Variants in AKAP12 observed in about 807,000 individuals in gnomAD.
The protein encoded by AKAP12 is A-kinase anchoring protein 12.
In AKAP12, 32 loss-of-function variants were observed where a neutral mutation model predicts 79.9. The ratio of observed to expected loss-of-function variants is 0.40; its 90% CI spans 0.30 to 0.54. AKAP12 has a LOEUF of 0.54. Ranked by LOEUF, AKAP12 falls within the 20% of genes least tolerant of loss-of-function variation. The pLI is 0.48. For synonymous variants in AKAP12, 808 were observed against 857.0 expected, an observed-to-expected ratio of 0.94 and a Z score of 1.00; for missense variants, 2,074 against 2,177.0, an observed-to-expected ratio of 0.95 and a Z score of 0.94.
At chr6:151,263,966 C>T (rs998160286) in intron 2 of AKAP12, among the ~76,000 whole-genome samples, 64 of 152,174 alleles carry the variant, frequency 4.2e-4, no homozygotes, top group African/African-American at 1.4e-3. Context: ...CCTAGGATGC[C>T]TCTACTTCAT....
chr6:151,345,802 A>AC (rs1249369553), intron 3 of AKAP12, among the ~76,000 whole-genome samples: 1 of 151,252 alleles, frequency 6.6e-6, no homozygotes, highest in East Asian at 1.9e-4. Flanking sequence ...AAAAAAAAAA[A>AC]AAAGAAAAGA....
Position 151,351,022 on chromosome 6 carries a change from C to A in AKAP12, c.2631C>A (p.Ala877=). ...KSAEQPEQKA[A]TEVSKELSES... ...CAGAGCAGCCCGAGCAGAAGGCAGC[C>A]ACTGAGGTGTCCAAGGAGCTCAGCG... The change falls in exon 4 of 5, where the codon GCC becomes GCA. Residue 877 remains alanine, a synonymous_variant. Transcript: ENST00000402676. The surrounding 1 kb of genome is among the most constrained non-coding windows in gnomAD (Gnocchi z 4.4). 6.2e-7 allele frequency: 1 copy of A among 1,614,034 alleles called. No individual in the cohort carries two copies. The highest frequency in any genetic ancestry group is 8.5e-7 in the Non-Finnish European group (1 of 1,180,016).
chr6:151,267,040 A>AT (rs1465054272), intron 2 of AKAP12, among the ~76,000 whole-genome samples: 1 of 148,590 alleles, frequency 6.7e-6, no homozygotes, highest in African/African-American at 2.5e-5. Context: ...AAAAAAAAAA[A>AT]GGAGAACATG....
At position 151,340,446 on chromosome 6, in the gene AKAP12, T is replaced by C. The variant is rs560345321; in HGVS notation, c.320-8265T>C. On this transcript the variant is annotated intron_variant, in intron 3 of 4. Transcript: ENST00000402676. Reference sequence around the variant, plus strand: ...CAAGGAGCATGATTGCCAGATCATATGGTAAGAGTATGTTCAGTATGAAAA... The same window carrying C: ...CAAGGAGCATGATTGCCAGATCATACGGTAAGAGTATGTTCAGTATGAAAA... 1.1e-3 allele frequency among the ~76,000 whole-genome samples: 164 copies of C among 152,274 alleles called. 1 individual carries two copies. Among genetic ancestry groups the C allele is most frequent in the African/African-American group, 3.7e-3 (155 of 41,564 alleles).
intron 2 of AKAP12, among the ~76,000 whole-genome samples, chr6:151,302,842 C>T (rs1003934144): frequency 1.4e-4 from 21 of 152,200 alleles, no homozygotes; most frequent in African/African-American, 5.1e-4. Context: ...CCCAACTTTT[C>T]TTCCTGTTAC....
intron 2 of AKAP12, among the ~76,000 whole-genome samples, chr6:151,265,781 A>T (rs1363754344): frequency 1.3e-5 from 2 of 152,212 alleles, no homozygotes; most frequent in African/African-American, 4.8e-5. Context: ...AACCATAGTT[A>T]ATGATGATTA....
At chr6:151,281,400 A>G (rs917533221) in intron 2 of AKAP12, among the ~76,000 whole-genome samples, 2 of 152,162 alleles carry the variant, frequency 1.3e-5, no homozygotes, top group Admixed American at 1.3e-4. Flanking sequence ...ATGGGAAGAG[A>G]TAACTGTAAT....
chr6:151,321,913 T>TG (rs1264812282), intron 3 of AKAP12, among the ~76,000 whole-genome samples: 1,981 of 146,224 alleles, frequency 0.014, 75 homozygotes, highest in African/African-American at 0.049. Context: ...GTTTTTTTTT[T>TG]TTTTTTTTTT....
At position 151,344,022 on chromosome 6, in the gene AKAP12, G is replaced by C. The variant is rs539573846; in HGVS notation, c.320-4689G>C. Reference sequence around the variant, plus strand: ...GTCTGGACTTTCTCTTTGAATATTTGCTTCAAAGTTTAATATGAGTGTTTA... The same window carrying C: ...GTCTGGACTTTCTCTTTGAATATTTCCTTCAAAGTTTAATATGAGTGTTTA... On this transcript the variant is annotated intron_variant, in intron 3 of 4. Coordinates refer to ENST00000402676, the MANE Select transcript of AKAP12 (RefSeq NM_005100.4). The C allele has an allele frequency of 9.2e-5, 37 of 403,146 alleles. 1 individual carries two copies. Among genetic ancestry groups the C allele is most frequent in the South Asian group, 7.2e-4 (37 of 51,734 alleles). The allele number at this position is 403,146 out of a possible 1,614,324, so 25.0% of individuals were successfully genotyped here.
At chr6:151,354,263 G>A (rs572479312) in intron 4 of AKAP12, among the ~76,000 whole-genome samples, 2 of 151,574 alleles carry the variant, frequency 1.3e-5, no homozygotes, top group South Asian at 4.2e-4. Flanking sequence ...TTTTCCCCTA[G>A]CAGTAGTAAC....
In AKAP12 at chr6:151,271,361, G is replaced by T. The variant is rs557060733; in HGVS notation, c.162+30637G>T. On this transcript the variant is annotated intron_variant, in intron 2 of 4. Transcript: ENST00000402676. ...TTTTTTGAGAGGTTCTCATTCTGTC[G>T]CCCAGGCTACAGTAAAATGGAATGA... is the stretch of plus-strand genomic sequence containing the variant. Among the ~76,000 whole-genome samples the T allele has an allele frequency of 5.6e-5, 8 of 143,822 alleles. No homozygotes were observed. In the South Asian group the frequency reaches 1.3e-3, roughly 23 times the overall value. The allele number at this position is 143,822 out of a possible 152,430, so 94.4% of individuals were successfully genotyped here. A position where few individuals can be genotyped will look rare whatever the true frequency, so the allele number is the denominator to read the frequency against.
chr6:151,240,330 G>A, intron 1 of AKAP12, 54 bp from the exon 2 acceptor site: 1 of 398,294 alleles, frequency 2.5e-6, no homozygotes, highest in South Asian at 7.2e-5. Context: ...AAACCGGGGG[G>A]AGGGGGGCGG....
chr6:151,250,326 C>T (rs566760625), intron 2 of AKAP12, among the ~76,000 whole-genome samples: 4 of 151,708 alleles, frequency 2.6e-5, no homozygotes, highest in South Asian at 4.2e-4. Flanking sequence ...GGTGAAACTC[C>T]GCTTTACTAA....
intron 4 of AKAP12, 145 bp downstream of exon 4, chr6:151,353,897 A>AT (rs1778369029): frequency 3.3e-6 from 2 of 610,972 alleles, no homozygotes; most frequent in African/African-American, 3.7e-5. Context: ...AGATTCAAAG[A>AT]TCTAGGATAG....
chr6:151,333,242 C>A (rs1274293579), intron 3 of AKAP12, among the ~76,000 whole-genome samples: 1 of 152,112 alleles, frequency 6.6e-6, no homozygotes, highest in African/African-American at 2.4e-5. Flanking sequence ...GGCTGCCTGT[C>A]CTGGAAGCCC....
At chr6:151,278,829 G>A (rs966897889) in intron 2 of AKAP12, among the ~76,000 whole-genome samples, 9 of 152,050 alleles carry the variant, frequency 5.9e-5, no homozygotes, top group Middle Eastern at 3.4e-3. Flanking sequence ...CACCATGCCC[G>A]GCTAATTTTT....
intron 2 of AKAP12, among the ~76,000 whole-genome samples, chr6:151,267,903 A>C (rs1582844319): frequency 6.6e-6 from 1 of 152,108 alleles, no homozygotes; most frequent in African/African-American, 2.4e-5. Context: ...TTCCTCAGGC[A>C]CCCAAACCTG....
chr6:151,244,084 G>A (rs1357621659), intron 2 of AKAP12, among the ~76,000 whole-genome samples: 1 of 152,146 alleles, frequency 6.6e-6, no homozygotes, highest in Non-Finnish European at 1.5e-5. Context: ...TGAGGCCATT[G>A]TCTCTGGCAG....
At chr6:151,310,643 G>T (rs1777075148) in intron 3 of AKAP12, among the ~76,000 whole-genome samples, 1 of 152,090 alleles carries the variant, frequency 6.6e-6, no homozygotes, top group Non-Finnish European at 1.5e-5. Context: ...TTAGGCAGAT[G>T]ATTTTTTTTT....
Sources: allele counts gnomAD v4.1 joint callset (sites outside exome capture counted in the v4.1 genomes callset), GRCh38; gene constraint gnomAD v4.1.1; non-coding constraint Gnocchi (gnomAD v3.1); transcripts MANE v1.5; gene names NCBI Gene and HGNC (gene_info 2026-07-23, HGNC 2026-07-21).